SFXN2: variants seen among roughly 807,000 people sequenced by gnomAD.
SFXN2 encodes the protein sideroflexin-2.
In SFXN2, 37 loss-of-function variants were observed where a neutral mutation model predicts 41.9. That is an observed-to-expected ratio of 0.88 (90% CI 0.68 to 1.16). The LOEUF is 1.16. Among genes scored for constraint, SFXN2 ranks in the 50% most tolerant of loss-of-function variants. The pLI, the probability that SFXN2 is intolerant of heterozygous loss-of-function variation, is 0.00. For synonymous variants in SFXN2, 150 were observed against 156.7 expected, an observed-to-expected ratio of 0.96 and a Z score of 0.32; for missense variants, 386 against 425.2, an observed-to-expected ratio of 0.91 and a Z score of 0.81.
In SFXN2 at chr10:102,720,317, A is replaced by AAC. The variant is rs1564738834; in HGVS notation, c.-26+5636_-26+5637insAC. Reference sequence around the variant, plus strand: ...AAAAAAAAAAAAAAAAAAAAAAAAAACCCATGGCAGGACCGGGGCTGGTAG... The same window carrying AAC: ...AAAAAAAAAAAAAAAAAAAAAAAAAAACCCCATGGCAGGACCGGGGCTGGTAG... On this transcript the variant is annotated intron_variant, in intron 1 of 11. Coordinates refer to ENST00000369893, the MANE Select transcript of SFXN2 (RefSeq NM_178858.6). Among the ~76,000 whole-genome samples the AAC allele has an allele frequency of 5.4e-5, 7 of 129,956 alleles. 1 individual carries two copies. The highest frequency in any genetic ancestry group is 2.4e-4 in the South Asian group (1 of 4,232). 85.3% of individuals were successfully genotyped at this position (129,956 alleles called of 152,430 possible).
At position 102,738,514 on chromosome 10, in the gene SFXN2, C is replaced by G. The variant is rs2064810391; in HGVS notation, c.*752C>G. On this transcript the variant is annotated 3_prime_UTR_variant, in exon 12 of 12. Transcript: ENST00000369893. ...GTTTCACCATGCTGGCCAGACTGGT[C>G]TCGAACTCCTGACCTCAGGTGATCC... The G allele has an allele frequency of 6.6e-6, 1 of 152,080 alleles. No homozygotes were observed. The highest frequency in any genetic ancestry group is 2.1e-4 in the South Asian group (1 of 4,830). 9.4% of individuals were successfully genotyped at this position (152,080 alleles called of 1,614,324 possible).
At chr10:102,716,031 A>G (rs939175504) in intron 1 of SFXN2, among the ~76,000 whole-genome samples, 3 of 151,952 alleles carry the variant, frequency 2.0e-5, no homozygotes, top group African/African-American at 7.3e-5. Flanking sequence ...TTGACTAAGG[A>G]GGTGATGAAT....
intron 1 of SFXN2, chr10:102,716,456 C>T (rs1416187358): frequency 1.3e-5 from 2 of 151,682 alleles, no homozygotes; most frequent in African/African-American, 4.8e-5. Context: ...ATCTCTGATA[C>T]CATTTGCCAG....
intron 1 of SFXN2, among the ~76,000 whole-genome samples, chr10:102,719,028 A>T (rs2064462367): frequency 7.1e-6 from 1 of 141,342 alleles, no homozygotes; most frequent in Admixed American, 7.6e-5. Flanking sequence ...GGTTCAAGTG[A>T]TTCTCCTGCC....
At chr10:102,732,956 C>G in intron 9 of SFXN2, 48 bp downstream of exon 9, 1 of 1,592,848 alleles carries the variant, frequency 6.3e-7, no homozygotes, top group Non-Finnish European at 8.6e-7. Context: ...GTGCGTCCAG[C>G]CACATCTGTC....
intron 1 of SFXN2, among the ~76,000 whole-genome samples, chr10:102,718,430 G>A (rs1172664272): frequency 1.3e-5 from 2 of 152,256 alleles, no homozygotes; most frequent in Non-Finnish European, 2.9e-5. Context: ...TGTAGAGCAT[G>A]GGAAAGTGAA....
rs60459635 is a variant in SFXN2, at chr10:102,741,231, T to A, written c.*3469T>A. On this transcript the variant is annotated 3_prime_UTR_variant, in exon 12 of 12. Coordinates refer to ENST00000369893, the MANE Select transcript of SFXN2 (RefSeq NM_178858.6). ...AAAGGGAAGTTGGGGCAAAATCCCC[T>A]GTGTTTGCCAAACTGAATTGGGGTT... is the stretch of plus-strand genomic sequence containing the variant. 6.6e-6 allele frequency: 1 copy of A among 152,056 alleles called. No individual in the cohort carries two copies. The highest frequency in any genetic ancestry group is 2.4e-5 in the African/African-American group (1 of 41,388). 9.4% of individuals were successfully genotyped at this position (152,056 alleles called of 1,614,324 possible). A position where few individuals can be genotyped will look rare whatever the true frequency, so the allele number is the denominator to read the frequency against.
chr10:102,728,634 G>C (rs1340567355), intron 4 of SFXN2, 105 bp downstream of exon 4: 1 of 927,726 alleles, frequency 1.1e-6, no homozygotes, highest in Non-Finnish European at 1.7e-6. Flanking sequence ...CACTGAGCAG[G>C]TGACCAAGTC....
chr10:102,717,321 CAG>C lies in SFXN2; in HGVS notation c.-26+2643_-26+2644del, dbSNP rs1267120237. Among the ~76,000 whole-genome samples, 3 of 151,990 alleles carry C rather than the reference CAG, an allele frequency of 2.0e-5. No individual in the cohort carries two copies. The East Asian group carries it at 5.8e-4, about 29-fold the overall frequency. On this transcript the variant is annotated intron_variant, in intron 1 of 11. Coordinates refer to ENST00000369893, the MANE Select transcript of SFXN2 (RefSeq NM_178858.6). ...TAATTTTTTGTATTTTTAGTAGAGACAGAGTTTCACAGGGTTAGCCAGGATGG... is the reference window on the plus strand; with the variant it reads ...TAATTTTTTGTATTTTTAGTAGAGACAGTTTCACAGGGTTAGCCAGGATGG...
intron 1 of SFXN2, chr10:102,716,412 A>T (rs1246165900): frequency 6.6e-6 from 1 of 151,524 alleles, no homozygotes. Context: ...TTGTAAGAGG[A>T]TACCTCAGAA....
At chr10:102,729,284 G>A in intron 4 of SFXN2, 35 bp from the exon 5 acceptor site, 1 of 1,609,388 alleles carries the variant, frequency 6.2e-7, no homozygotes, top group Non-Finnish European at 8.5e-7. Flanking sequence ...CAGCCGGCAG[G>A]GGCCCCACTC....
At chr10:102,718,354 A>T (rs1366383879) in intron 1 of SFXN2, among the ~76,000 whole-genome samples, 2 of 152,260 alleles carry the variant, frequency 1.3e-5, no homozygotes, top group Non-Finnish European at 2.9e-5. Context: ...AGCATGTATG[A>T]GCCTGGGGCT....
At chr10:102,733,140 G>A (rs1402664264) in intron 9 of SFXN2, among the ~76,000 whole-genome samples, 1 of 152,052 alleles carries the variant, frequency 6.6e-6, no homozygotes, top group East Asian at 1.9e-4. Flanking sequence ...GGGGGTCCTT[G>A]CCTGTGGGTT....
At chr10:102,729,554 G>T (rs2064668105) in intron 5 of SFXN2, 160 bp downstream of exon 5, 1 of 1,118,612 alleles carries the variant, frequency 8.9e-7, no homozygotes, top group Non-Finnish European at 1.3e-6. Flanking sequence ...CCGTCCCCAG[G>T]TTGGTTCTTC....
chr10:102,729,698 T>C, intron 5 of SFXN2, 25 bp from the exon 6 acceptor site: 1 of 1,612,488 alleles, frequency 6.2e-7, no homozygotes, highest in Non-Finnish European at 8.5e-7. Context: ...TCTGAACAAC[T>C]CCTACTGTTC....
chr10:102,733,544 T>G lies in SFXN2; in HGVS notation c.772-10T>G. ...CCATGTGGATCTGTCTTTTATTTGT[T>G]TTTATACAGAAAGTCAAGGTCCTGC... On this transcript the variant is annotated splice_polypyrimidine_tract_variant and intron_variant, in intron 9 of 11. Coordinates refer to ENST00000369893, the MANE Select transcript of SFXN2 (RefSeq NM_178858.6). The G allele has an allele frequency of 6.2e-7, 1 of 1,612,328 alleles. No individual in the cohort carries two copies.
chr10:102,728,346 C>A, intron 3 of SFXN2, 85 bp from the exon 4 acceptor site: 1 of 1,011,030 alleles, frequency 9.9e-7, no homozygotes, highest in Non-Finnish European at 1.6e-6. Flanking sequence ...TGGGGACCTG[C>A]AGATCATGTG....
intron 1 of SFXN2, among the ~76,000 whole-genome samples, chr10:102,726,021 C>T (rs949522838): frequency 2.0e-5 from 3 of 152,136 alleles, no homozygotes; most frequent in African/African-American, 7.2e-5. Flanking sequence ...GTGATCTCAG[C>T]TCACTGCAAC....
In SFXN2 at chr10:102,740,997, T is replaced by C. The variant is rs1399731433; in HGVS notation, c.*3235T>C. 1 of 152,210 alleles carries C rather than the reference T, an allele frequency of 6.6e-6. No individual in the cohort carries two copies. The highest frequency in any genetic ancestry group is 2.4e-5 in the African/African-American group (1 of 41,460). 9.4% of individuals were successfully genotyped at this position (152,210 alleles called of 1,614,324 possible). A position where few individuals can be genotyped will look rare whatever the true frequency, so the allele number is the denominator to read the frequency against. On this transcript the variant is annotated 3_prime_UTR_variant, in exon 12 of 12. Transcript: ENST00000369893. ...CTCTTTTGGAAATGTCTGGAAGGTATGTGGTGGCTATAATGTTCAGGGACA... is the reference window on the plus strand; with the variant it reads ...CTCTTTTGGAAATGTCTGGAAGGTACGTGGTGGCTATAATGTTCAGGGACA...
Sources: gnomAD v4.1 joint callset for allele counts (sites outside exome capture counted in the v4.1 genomes callset) on GRCh38, gnomAD v4.1.1 for gene constraint, MANE v1.5 for transcripts, NCBI Gene and HGNC (gene_info 2026-07-23, HGNC 2026-07-21) for gene names.